CDH15: variants seen among roughly 807,000 people sequenced by gnomAD.
The protein encoded by CDH15 is cadherin 15, also known as cadherin-15.
In CDH15, 73 loss-of-function variants were observed where a neutral mutation model predicts 69.4. That is an observed-to-expected ratio of 1.05 (90% CI 0.87 to 1.28). The LOEUF is 1.28. Ranked by LOEUF, CDH15 falls within the 50% of genes most tolerant of loss-of-function variation. CDH15 has a pLI of 0.00. For synonymous variants in CDH15, 624 were observed against 507.7 expected (o/e 1.23, Z -3.08); for missense variants, 1,343 against 1,133.6 (o/e 1.18, Z -2.65).
At chr16:89,180,059 T>G in intron 2 of CDH15, 141 bp from the exon 3 acceptor site, 1 of 917,330 alleles carries the variant, frequency 1.1e-6, no homozygotes. Context: ...CAGCTCCTCA[T>G]TGGGTACCAG....
At chr16:89,176,566 G>C (rs1057117493) in intron 1 of CDH15, among the ~76,000 whole-genome samples, 8 of 152,216 alleles carry the variant, frequency 5.3e-5, no homozygotes, top group Non-Finnish European at 1.2e-4. Flanking sequence ...GTGGGGAGCT[G>C]TTCTAGGTGT....
intron 6 of CDH15, 82 bp from the exon 7 acceptor site, chr16:89,188,018 G>A: frequency 1.1e-6 from 1 of 950,272 alleles, no homozygotes; most frequent in Non-Finnish European, 1.6e-6. Context: ...TGGGAGGGGA[G>A]GGTGGGCTGA....
intron 12 of CDH15, 30 bp from the exon 13 acceptor site, chr16:89,193,725 C>T: frequency 6.3e-7 from 1 of 1,597,034 alleles, no homozygotes; most frequent in Non-Finnish European, 8.5e-7. Context: ...CCGAGGGATG[C>T]CTGGCTCTGT....
chr16:89,175,323 T>C (rs1253054820), intron 1 of CDH15, among the ~76,000 whole-genome samples: 1 of 152,030 alleles, frequency 6.6e-6, no homozygotes, highest in African/African-American at 2.4e-5. Flanking sequence ...CCGTGTGGGG[T>C]TCCTAGAGCC....
chr16:89,185,153 C>A lies in CDH15; in HGVS notation c.503-20C>A, dbSNP rs1200968830. The A allele has an allele frequency of 1.3e-6, 2 of 1,578,666 alleles. No homozygotes were observed. The highest frequency in any genetic ancestry group is 1.8e-5 in the Admixed American group (1 of 56,386). On this transcript the variant is annotated intron_variant, in intron 4 of 13. Coordinates refer to ENST00000289746, the MANE Select transcript of CDH15 (RefSeq NM_004933.3). The stretch of plus-strand genomic sequence containing the variant: ...TCGGCCCTGTGGACGTTGGCCCTCA[C>A]GCCTCCCTGTGCTTCCCAGGCACCT...
chr16:89,195,378 C>A lies in CDH15; in HGVS notation c.*223C>A, dbSNP rs933667001. The stretch of plus-strand genomic sequence containing the variant: ...AGAGTTTCTCTCCATCGGCCCCATG[C>A]GGGTCACCTCCCTAGTCCCACCTTT... On this transcript the variant is annotated 3_prime_UTR_variant, in exon 14 of 14. Transcript: ENST00000289746. 4 of 576,154 alleles carry A rather than the reference C, an allele frequency of 6.9e-6. No individual in the cohort carries two copies. The highest frequency in any genetic ancestry group is 3.1e-5 in the Admixed American group (1 of 32,534). The allele number at this position is 576,154 out of a possible 1,614,324, so 35.7% of individuals were successfully genotyped here. A position where few individuals can be genotyped will look rare whatever the true frequency, so the allele number is the denominator to read the frequency against.
At chr16:89,178,855 C>T (rs1357986239) in intron 1 of CDH15, among the ~76,000 whole-genome samples, 1 of 152,208 alleles carries the variant, frequency 6.6e-6, no homozygotes, top group South Asian at 2.1e-4. Context: ...TCCCCTGCCG[C>T]TCCCCCGGAC....
Position 89,180,262 on chromosome 16 carries a change from T to C in CDH15, c.264T>C (p.Asp88=), listed in dbSNP as rs59865771. 464,239 of 1,608,416 alleles carry C rather than the reference T, an allele frequency of 0.29. 75,613 individuals are homozygous for C. The highest frequency in any genetic ancestry group is 0.78 in the East Asian group (34,924 of 44,584). ...ACAGCATCCAGGGACCCGGCGTGGA[T>C]GAGGAGCCCCGGGGCGTCTTCTCTA... ...VIYSIQGPGV[D]EEPRGVFSID... The change falls in exon 3 of 14, where the codon GAT becomes GAC. Residue 88 remains aspartate, a synonymous_variant. Transcript: ENST00000289746.
intron 1 of CDH15, among the ~76,000 whole-genome samples, chr16:89,172,224 G>A (rs1413011831): frequency 6.6e-6 from 1 of 152,040 alleles, no homozygotes; most frequent in African/African-American, 2.4e-5. Flanking sequence ...AGAGAGAGGG[G>A]GGAGCGGCAG....
At position 89,192,261 on chromosome 16, in the gene CDH15, AGCCTGCTGCTCCGGGACTCGGG is replaced by A; in HGVS notation, c.1675_1696del (p.Leu559SerfsTer10). 1 of 1,530,752 alleles carries A rather than the reference AGCCTGCTGCTCCGGGACTCGGG, an allele frequency of 6.5e-7. No homozygotes were observed. Among genetic ancestry groups the A allele is most frequent in the Non-Finnish European group, 8.7e-7 (1 of 1,145,208 alleles). The allele number at this position is 1,530,752 out of a possible 1,614,324, so 94.8% of individuals were successfully genotyped here. A position where few individuals can be genotyped will look rare whatever the true frequency, so the allele number is the denominator to read the frequency against. ...GGTCCCCGAAGGCCTGCACCGCCTCAGCCTGCTGCTCCGGGACTCGGGGCAGCCGCCCCAGCAGCGCGAGCAG... is the reference window on the plus strand; with the variant it reads ...GGTCCCCGAAGGCCTGCACCGCCTCAGCAGCCGCCCCAGCAGCGCGAGCAG... On this transcript the variant is annotated frameshift_variant, in exon 11 of 14. Coordinates refer to ENST00000289746, the MANE Select transcript of CDH15 (RefSeq NM_004933.3). LOFTEE classifies it high-confidence loss of function.
At chr16:89,185,524 G>A (rs1228477467) in intron 5 of CDH15, 191 bp downstream of exon 5, 3 of 721,190 alleles carry the variant, frequency 4.2e-6, no homozygotes, top group East Asian at 2.7e-5. Flanking sequence ...AGCCGCGCTG[G>A]CCCGGGTGGG....
Position 89,192,441 on chromosome 16 carries a change from C to G in CDH15, c.1852C>G (p.Leu618Val). 1.3e-6 allele frequency: 2 copies of G among 1,560,730 alleles called. No homozygotes were observed. Among genetic ancestry groups the G allele is most frequent in the South Asian group, 2.3e-5 (2 of 86,270 alleles). The stretch of plus-strand genomic sequence containing the variant: ...CGTGCTGGCCAGCGCCCTCCTGCTG[C>G]TGGGTGAGTGAGCGCCCCGCCTCCA... ...VIVLASALLL[L>V]VLVLLVALRA... Residue 618 changes from leucine to valine, a missense_variant, in exon 11 of 14, where the codon CTG (leucine) becomes GTG (valine). By Grantham distance (32) the Leu-to-Val change is conservative. Coordinates refer to ENST00000289746, the MANE Select transcript of CDH15 (RefSeq NM_004933.3).
In CDH15 at chr16:89,181,937, C is replaced by CA. The variant is rs762790930; in HGVS notation, c.357+1593dup. 1.6e-3 allele frequency among the ~76,000 whole-genome samples: 146 copies of CA among 92,618 alleles called. 1 individual carries two copies. The highest frequency in any genetic ancestry group is 5.8e-3 in the Middle Eastern group (1 of 172). 60.8% of individuals were successfully genotyped at this position (92,618 alleles called of 152,430 possible). A position where few individuals can be genotyped will look rare whatever the true frequency, so the allele number is the denominator to read the frequency against. ...CTGGTGACAGAGTGAGACTCTGTCT[C>CA]AAAAAAAAAAACAGAAGAAGAAAGA... On this transcript the variant is annotated intron_variant, in intron 3 of 13. Coordinates refer to ENST00000289746, the MANE Select transcript of CDH15 (RefSeq NM_004933.3).
chr16:89,182,677 G>C (rs985585337), intron 3 of CDH15: 2 of 152,058 alleles, frequency 1.3e-5, no homozygotes, highest in Admixed American at 6.6e-5. Context: ...CTTTGTACTT[G>C]ATGTGGGGAA....
intron 10 of CDH15, 145 bp downstream of exon 10, chr16:89,192,039 G>C: frequency 8.8e-7 from 1 of 1,131,112 alleles, no homozygotes; most frequent in South Asian, 1.5e-5. Flanking sequence ...CCCCACCACT[G>C]CATCCTCCCG....
intron 6 of CDH15, 79 bp downstream of exon 6, chr16:89,187,636 G>C (rs543630772): frequency 3.1e-4 from 484 of 1,578,410 alleles, no homozygotes; most frequent in Non-Finnish European, 2.7e-5. Flanking sequence ...AGAAGGCAGC[G>C]GGCTTCATGA....
chr16:89,185,373 G>C (rs1336075839), intron 5 of CDH15, 40 bp downstream of exon 5: 5 of 1,559,712 alleles, frequency 3.2e-6, no homozygotes, highest in South Asian at 1.2e-5. Flanking sequence ...CGCACGGCCA[G>C]GGCAGCCCAT....
rs1915666123 is a variant in CDH15 at position 89,192,271 on chromosome 16, T to C, written c.1682T>C (p.Leu561Pro). The change falls in exon 11 of 14, where the codon CTC becomes CCC. Residue 561 changes from leucine (L) to proline (P), a missense_variant. Physicochemically the swap from Leu to Pro is moderately conservative, Grantham distance 98. Transcript: ENST00000289746. ...PEGLHRLSLL[L>P]RDSGQPPQQR... ...GGCCTGCACCGCCTCAGCCTGCTGCTCCGGGACTCGGGGCAGCCGCCCCAG... is the reference window on the plus strand; with the variant it reads ...GGCCTGCACCGCCTCAGCCTGCTGCCCCGGGACTCGGGGCAGCCGCCCCAG... 1.3e-6 allele frequency: 2 copies of C among 1,530,814 alleles called. No homozygotes were observed. Among genetic ancestry groups the C allele is most frequent in the African/African-American group, 1.4e-5 (1 of 72,556 alleles). The allele number at this position is 1,530,814 out of a possible 1,614,324, so 94.8% of individuals were successfully genotyped here. A position where few individuals can be genotyped will look rare whatever the true frequency, so the allele number is the denominator to read the frequency against.
In CDH15 at chr16:89,195,031, C is replaced by T. The variant is rs776799460; in HGVS notation, c.2321C>T (p.Ala774Val). 1.2e-6 allele frequency: 2 copies of T among 1,612,308 alleles called. No individual in the cohort carries two copies. Among genetic ancestry groups the T allele is most frequent in the African/African-American group, 2.7e-5 (2 of 74,914 alleles). ...CTCAGAGACTGGGGGCCCCGCTTCG[C>T]CCGGCTGGCAGACATGTATGGGCAC... ...DYLRDWGPRF[A>V]RLADMYGHPC... is the part of the protein sequence containing the mutation. The change falls in exon 14 of 14, where the codon GCC (alanine) becomes GTC (valine). Residue 774 changes from alanine to valine, a missense_variant. Coordinates refer to ENST00000289746, the MANE Select transcript of CDH15 (RefSeq NM_004933.3).
Sources: allele counts gnomAD v4.1 joint callset (sites outside exome capture counted in the v4.1 genomes callset), GRCh38; gene constraint gnomAD v4.1.1; transcripts MANE v1.5; gene names NCBI Gene and HGNC (gene_info 2026-07-23, HGNC 2026-07-21).